MCF2L: variants seen among roughly 807,000 people sequenced by gnomAD.
MCF2L encodes the protein MCF.2 cell line derived transforming sequence like.
A neutral mutation model predicts 153.4 loss-of-function variants in MCF2L; 97 were observed. That is an observed-to-expected ratio of 0.63 (90% CI 0.54 to 0.75). MCF2L has a LOEUF of 0.75. Ranked by LOEUF, MCF2L falls within the 30% of genes least tolerant of loss-of-function variation. The pLI, the probability that MCF2L is intolerant of heterozygous loss-of-function variation, is 0.00. For missense variants in MCF2L, 1,347 were observed against 1,495.2 expected (o/e 0.90, Z 1.64); for synonymous variants, 659 against 632.2 (o/e 1.04, Z -0.64).
chr13:113,096,923 C>CCT lies in MCF2L; in HGVS notation c.*65_*66insTC. ...CTGCGGTGGCGTGGGGAGGGCGCGG[C>CCT]CCCCGGACGCCCCGAGGAAGGGGCA... is the stretch of plus-strand genomic sequence containing the variant. On this transcript the variant is annotated 3_prime_UTR_variant, in exon 30 of 30. Transcript: ENST00000535094. The CCT allele has an allele frequency of 8.8e-7, 1 of 1,142,182 alleles. No individual in the cohort carries two copies. Among genetic ancestry groups the CCT allele is most frequent in the Non-Finnish European group, 1.1e-6 (1 of 886,346 alleles). 70.8% of individuals were successfully genotyped at this position (1,142,182 alleles called of 1,614,324 possible).
At chr13:113,020,461 G>A (rs1342132831) in intron 2 of MCF2L, among the ~76,000 whole-genome samples, 1 of 152,258 alleles carries the variant, frequency 6.6e-6, no homozygotes, top group Non-Finnish European at 1.5e-5. Flanking sequence ...CTGTGACAAA[G>A]TCCCCTAGAC....
intron 25 of MCF2L, 70 bp downstream of exon 25, chr13:113,088,698 G>C (rs2034885082): frequency 2.0e-6 from 3 of 1,493,900 alleles, no homozygotes; most frequent in African/African-American, 2.7e-5. Context: ...TGCACGCCAG[G>C]GTCCTCGGCC....
In MCF2L at chr13:113,064,803, T is replaced by G; in HGVS notation, c.607-133T>G. On this transcript the variant is annotated intron_variant, in intron 6 of 29. Transcript: ENST00000535094. This position sits in a 1 kb window ranked among gnomAD's most constrained non-coding sequence, Gnocchi z 6.0. ...AGGGCAGGACGCTATGGGAGGGCGT[T>G]CACCGTCTTTGCGTCAGCCGGTCTC... 1.0e-6 allele frequency: 1 copy of G among 953,988 alleles called. No individual in the cohort carries two copies. The highest frequency in any genetic ancestry group is 1.5e-6 in the Non-Finnish European group (1 of 646,604). The allele number at this position is 953,988 out of a possible 1,614,324, so 59.1% of individuals were successfully genotyped here. A position where few individuals can be genotyped will look rare whatever the true frequency, so the allele number is the denominator to read the frequency against.
intron 2 of MCF2L, among the ~76,000 whole-genome samples, chr13:112,936,279 CAAAAAAAAAAA>C (rs34826552): frequency 1.3e-5 from 1 of 74,280 alleles, no homozygotes; most frequent in Non-Finnish European, 2.5e-5. Flanking sequence ...GACTCTGTCT[CAAAAAAAAAAA>C]AAAAAAAAAA....
rs2085413924 is a variant in MCF2L at position 113,027,903 on chromosome 13, G to A, written c.278+3145G>A. Among the ~76,000 whole-genome samples, 1 of 152,222 alleles carries A rather than the reference G, an allele frequency of 6.6e-6. No individual in the cohort carries two copies. ...TGTGGCCAGAGGGGTGTCCTGGGGA[G>A]GGCGGTCATCTCCAAGCCTCCAGGC... On this transcript the variant is annotated intron_variant, in intron 3 of 29. Transcript: ENST00000535094. This position sits in a 1 kb window ranked among gnomAD's most constrained non-coding sequence, Gnocchi z 4.8.
intron 2 of MCF2L, among the ~76,000 whole-genome samples, chr13:112,914,193 C>T (rs971506818): frequency 2.0e-5 from 3 of 152,234 alleles, no homozygotes; most frequent in South Asian, 4.1e-4. Flanking sequence ...CTGGTCCTTC[C>T]GCCAGGACCT....
At chr13:112,979,729 G>A (rs753594570) in intron 1 of MCF2L, 86 of 1,612,300 alleles carry the variant, frequency 5.3e-5, no homozygotes, top group African/African-American at 1.2e-4. Flanking sequence ...CCCAGGAGGC[G>A]CCGGGGAACT....
At chr13:112,915,410 CAAAA>C (rs779274453) in intron 2 of MCF2L, among the ~76,000 whole-genome samples, 1 of 86,924 alleles carries the variant, frequency 1.2e-5, no homozygotes, top group Non-Finnish European at 2.1e-5. Flanking sequence ...CTCTGTCTCA[CAAAA>C]AAAAAAAAAA....
At chr13:113,007,729 G>A (rs566692215) in intron 1 of MCF2L, among the ~76,000 whole-genome samples, 39 of 152,232 alleles carry the variant, frequency 2.6e-4, no homozygotes, top group Admixed American at 2.4e-3. Flanking sequence ...CGGGAGAGAC[G>A]TGACCCACTG....
chr13:113,059,834 G>A (rs1030544140), intron 4 of MCF2L, among the ~76,000 whole-genome samples: 9 of 152,228 alleles, frequency 5.9e-5, no homozygotes, highest in African/African-American at 1.9e-4. Flanking sequence ...GTCCAAGGCC[G>A]TGTGTGCACA....
In MCF2L at chr13:113,096,983, G is replaced by A; in HGVS notation, c.*124G>A. 6.8e-6 allele frequency: 4 copies of A among 591,444 alleles called. No individual in the cohort carries two copies. The highest frequency in any genetic ancestry group is 4.0e-5 in the East Asian group (1 of 24,878). The allele number at this position is 591,444 out of a possible 1,614,324, so 36.6% of individuals were successfully genotyped here. A position where few individuals can be genotyped will look rare whatever the true frequency, so the allele number is the denominator to read the frequency against. ...CCCCACCCAGAGCGCCTGGCCGTGC[G>A]GGCTGCAGAGGACCCCTCCGGGGCA... is the stretch of plus-strand genomic sequence containing the variant. On this transcript the variant is annotated 3_prime_UTR_variant, in exon 30 of 30. Transcript: ENST00000535094.
chr13:112,981,585 G>A (rs934623806), intron 1 of MCF2L, among the ~76,000 whole-genome samples: 6 of 152,194 alleles, frequency 3.9e-5, no homozygotes, highest in Admixed American at 1.3e-4. Context: ...CGGCCTCCGC[G>A]GCACAGATCA....
At chr13:112,895,678 G>A (rs1223957260) in intron 1 of MCF2L, among the ~76,000 whole-genome samples, 5 of 152,178 alleles carry the variant, frequency 3.3e-5, no homozygotes, top group South Asian at 2.1e-4. Context: ...GTCCCAGGGG[G>A]GCAGTGAGGA....
intron 2 of MCF2L, among the ~76,000 whole-genome samples, chr13:112,940,033 T>A (rs909866554): frequency 1.7e-4 from 24 of 142,108 alleles, no homozygotes; most frequent in African/African-American, 6.0e-4. Context: ...CAGCTGGGGG[T>A]GGTGATTGGG....
At chr13:113,030,617 G>A (rs1169148316) in intron 3 of MCF2L, among the ~76,000 whole-genome samples, 3 of 152,158 alleles carry the variant, frequency 2.0e-5, no homozygotes, top group Non-Finnish European at 4.4e-5. Flanking sequence ...TGATGCAGGT[G>A]TGGGCCCTCG....
At chr13:112,996,572 G>A (rs900102268) in intron 1 of MCF2L, among the ~76,000 whole-genome samples, 1 of 152,192 alleles carries the variant, frequency 6.6e-6, no homozygotes, top group African/African-American at 2.4e-5. Context: ...AGTGTGCAGT[G>A]CCCTTCAGAG....
rs566466219 is a variant in MCF2L, at chr13:113,007,395, G to A, written c.80-7368G>A. Among the ~76,000 whole-genome samples, 7 of 152,320 alleles carry A rather than the reference G, an allele frequency of 4.6e-5. No homozygotes were observed. In the East Asian group the frequency reaches 5.8e-4, roughly 13 times the overall value. ...CGGGGGTCTAACCCCTGACCCCAGC[G>A]TCCGTGTCACCTGGGAGCCTCACCT... On this transcript the variant is annotated intron_variant, in intron 1 of 29. Transcript: ENST00000535094.
chr13:112,963,802 G>A (rs988415514), intron 2 of MCF2L, among the ~76,000 whole-genome samples: 6 of 152,194 alleles, frequency 3.9e-5, no homozygotes, highest in African/African-American at 9.7e-5. Context: ...ACAGGGAGAC[G>A]GGCTCGCAGC....
chr13:112,931,810 T>C (rs367899733), intron 2 of MCF2L, among the ~76,000 whole-genome samples: 126 of 152,094 alleles, frequency 8.3e-4, no homozygotes, highest in African/African-American at 2.8e-3. Context: ...CAAACCCACG[T>C]GGATGGGGGC....
Sources: allele counts gnomAD v4.1 joint callset (sites outside exome capture counted in the v4.1 genomes callset), GRCh38; gene constraint gnomAD v4.1.1; non-coding constraint Gnocchi (gnomAD v3.1); transcripts MANE v1.5; gene names NCBI Gene and HGNC (gene_info 2026-07-23, HGNC 2026-07-21).